FOXP1: variants seen among roughly 807,000 people sequenced by gnomAD.
FOXP1 encodes forkhead box protein P1.
FOXP1 carries 15 observed loss-of-function variants against 98.2 expected under a neutral mutation model. The observed-to-expected ratio is 0.15, with a 90% CI of 0.10 to 0.24. FOXP1 has a LOEUF of 0.24. Ranked by LOEUF, FOXP1 falls within the 10% of genes least tolerant of loss-of-function variation. FOXP1 has a pLI of 1.00. For missense variants in FOXP1, 633 were observed against 848.5 expected, an observed-to-expected ratio of 0.75 and a Z score of 3.15; for synonymous variants, 371 against 314.5, an observed-to-expected ratio of 1.18 and a Z score of -1.90.
At chr3:71,029,939 T>C (rs1285086526) in intron 11 of FOXP1, among the ~76,000 whole-genome samples, 1 of 152,156 alleles carries the variant, frequency 6.6e-6, no homozygotes, top group African/African-American at 2.4e-5. Context: ...TAACAATAAG[T>C]TAATATTTAT....
chr3:71,252,398 A>G (rs1419020516), intron 5 of FOXP1, among the ~76,000 whole-genome samples: 1 of 152,256 alleles, frequency 6.6e-6, no homozygotes, highest in Non-Finnish European at 1.5e-5. Context: ...CCATGAACAC[A>G]TGCTAATTGA....
intron 5 of FOXP1, among the ~76,000 whole-genome samples, chr3:71,241,837 A>G (rs1213229674): frequency 1.3e-5 from 2 of 152,216 alleles, no homozygotes; most frequent in African/African-American, 4.8e-5. Flanking sequence ...TAAAACAAAT[A>G]CCCAATTTTG....
intron 6 of FOXP1, among the ~76,000 whole-genome samples, chr3:71,120,152 C>T (rs1406394055): frequency 2.0e-5 from 3 of 152,172 alleles, no homozygotes; most frequent in Admixed American, 6.5e-5. Flanking sequence ...GGGGTAATGA[C>T]CATTCACAGA....
chr3:71,191,765 G>C (rs144090670), intron 6 of FOXP1, among the ~76,000 whole-genome samples: 1 of 152,294 alleles, frequency 6.6e-6, no homozygotes, highest in African/African-American at 2.4e-5. Flanking sequence ...TGGGGGGTCA[G>C]TGTTGTGGCT....
At chr3:71,244,290 C>T (rs1199344193) in intron 5 of FOXP1, among the ~76,000 whole-genome samples, 1 of 152,100 alleles carries the variant, frequency 6.6e-6, no homozygotes, top group Non-Finnish European at 1.5e-5. Context: ...TGCCACAGTG[C>T]GTGCGCTCTC....
At chr3:71,546,208 G>A (rs958048372) in intron 2 of FOXP1, among the ~76,000 whole-genome samples, 6 of 152,158 alleles carry the variant, frequency 3.9e-5, no homozygotes, top group Non-Finnish European at 5.9e-5. Context: ...CGGTGGCCAG[G>A]TAAGAGAGTG....
At chr3:71,207,328 G>A (rs1330832350) in intron 5 of FOXP1, among the ~76,000 whole-genome samples, 1 of 151,040 alleles carries the variant, frequency 6.6e-6, no homozygotes, top group Non-Finnish European at 1.5e-5. Context: ...TGACTGGCGT[G>A]ATCTATGACA....
chr3:71,031,766 G>A (rs1370185991), intron 11 of FOXP1, among the ~76,000 whole-genome samples: 1 of 151,842 alleles, frequency 6.6e-6, no homozygotes, highest in East Asian at 1.9e-4. Flanking sequence ...AAAAGAGGTG[G>A]GGAAGAGAGA....
intron 5 of FOXP1, among the ~76,000 whole-genome samples, chr3:71,273,955 G>A (rs993872837): frequency 9.2e-5 from 14 of 152,278 alleles, no homozygotes; most frequent in Non-Finnish European, 1.8e-4. Context: ...GACTGGAATG[G>A]CTTCACCCAA....
chr3:70,959,145 A>G lies in FOXP1; in HGVS notation c.*102T>C. 7.3e-7 allele frequency: 1 copy of G among 1,370,996 alleles called. No homozygotes were observed. Among genetic ancestry groups the G allele is most frequent in the Admixed American group, 1.7e-5 (1 of 58,526 alleles). The allele number at this position is 1,370,996 out of a possible 1,614,324, so 84.9% of individuals were successfully genotyped here. A position where few individuals can be genotyped will look rare whatever the true frequency, so the allele number is the denominator to read the frequency against. On this transcript the variant is annotated 3_prime_UTR_variant, in exon 21 of 21. Coordinates refer to ENST00000649528, the MANE Select transcript of FOXP1 (RefSeq NM_001349338.3). ...TCAAAACGTAGTGAAAATCCTCCAG[A>G]CTGTACAACAAATGGAGAACAATTT...
At chr3:71,066,600 C>A (rs7616330) in intron 7 of FOXP1, among the ~76,000 whole-genome samples, 29,449 of 152,118 alleles carry the variant, frequency 0.19, 3,448 homozygotes, top group East Asian at 0.57. Flanking sequence ...GCAGGAAATA[C>A]AAATAAAGGA....
chr3:71,172,011 A>T (rs1032690604), intron 6 of FOXP1, among the ~76,000 whole-genome samples: 1 of 152,236 alleles, frequency 6.6e-6, no homozygotes, highest in African/African-American at 2.4e-5. Flanking sequence ...TCTCATTAAC[A>T]TTATTATACT....
intron 3 of FOXP1, among the ~76,000 whole-genome samples, chr3:71,398,367 C>T (rs2081702098): frequency 6.6e-6 from 1 of 152,172 alleles, no homozygotes; most frequent in Non-Finnish European, 1.5e-5. Flanking sequence ...TGAAACTTGA[C>T]AGAAACATAA....
At chr3:71,097,747 C>G (rs1392702216) in intron 7 of FOXP1, among the ~76,000 whole-genome samples, 1 of 152,136 alleles carries the variant, frequency 6.6e-6, no homozygotes, top group Non-Finnish European at 1.5e-5. Context: ...GGTGACGTAA[C>G]ATGATAAAGA....
At chr3:71,302,231 C>T (rs893336618) in intron 4 of FOXP1, among the ~76,000 whole-genome samples, 1 of 152,064 alleles carries the variant, frequency 6.6e-6, no homozygotes, top group African/African-American at 2.4e-5. Context: ...TGCCATCATG[C>T]TAAAGTAAAT....
At chr3:71,390,640 C>T (rs1209054790) in intron 3 of FOXP1, among the ~76,000 whole-genome samples, 1 of 152,070 alleles carries the variant, frequency 6.6e-6, no homozygotes, top group African/African-American at 2.4e-5. Flanking sequence ...ATCCAAGTCT[C>T]CAAAAAGCGA....
intron 7 of FOXP1, among the ~76,000 whole-genome samples, chr3:71,082,290 A>G (rs2054519442): frequency 6.6e-6 from 1 of 151,904 alleles, no homozygotes; most frequent in South Asian, 2.1e-4. Flanking sequence ...AAAAAAGAAA[A>G]AAAAAAAAAA....
At chr3:71,459,931 C>CGTTTTTTTTTTTTTTTTTTTTT (rs1334419290) in intron 3 of FOXP1, among the ~76,000 whole-genome samples, 2 of 137,028 alleles carry the variant, frequency 1.5e-5, no homozygotes, top group African/African-American at 5.2e-5. Context: ...GCCCCATCTT[C>CGTTTTTTTTTTTTTTTTTTTTT]TTTTTTTTTT....
rs1370426088 is a variant in FOXP1 at position 71,567,969 on chromosome 3, G to C, written c.-298+13580C>G. On this transcript the variant is annotated intron_variant, in intron 2 of 20. Transcript: ENST00000649528. Reference sequence around the variant, plus strand: ...GAGAAGGGCTATAGAAGAAAAGAAAGAAAATGAAAGAAAGGAAGGGAGGAA... The same window carrying C: ...GAGAAGGGCTATAGAAGAAAAGAAACAAAATGAAAGAAAGGAAGGGAGGAA... 4 of 138,028 alleles carry C rather than the reference G, an allele frequency of 2.9e-5. No homozygotes were observed. The South Asian group carries it at 7.4e-4, about 26-fold the overall frequency. The allele number at this position is 138,028 out of a possible 1,614,324, so 8.6% of individuals were successfully genotyped here.
Sources: gnomAD v4.1 joint callset for allele counts (sites outside exome capture counted in the v4.1 genomes callset) on GRCh38, gnomAD v4.1.1 for gene constraint, MANE v1.5 for transcripts, NCBI Gene and HGNC (gene_info 2026-07-23, HGNC 2026-07-21) for gene names.